CCDC15: variants seen among roughly 807,000 people sequenced by gnomAD.
CCDC15 encodes coiled-coil domain-containing protein 15.
In CCDC15, 105 loss-of-function variants were observed where a neutral mutation model predicts 114.5. The ratio of observed to expected loss-of-function variants is 0.92; its 90% CI spans 0.78 to 1.08. The LOEUF (loss-of-function observed/expected upper bound fraction) is 1.08. Among genes scored for constraint, CCDC15 ranks in the 50% least tolerant of loss-of-function variants. CCDC15 has a pLI of 0.00. For synonymous variants in CCDC15, 334 were observed against 377.8 expected (o/e 0.88, Z 1.34); for missense variants, 1,105 against 1,093.6 (o/e 1.01, Z -0.15).
intron 4 of CCDC15, among the ~76,000 whole-genome samples, chr11:124,964,652 C>G (rs1348118773): frequency 2.0e-5 from 3 of 152,094 alleles, no homozygotes; most frequent in African/African-American, 4.8e-5. Context: ...TGCCTGATTC[C>G]CCTGGTCAGA....
chr11:125,039,148 A>G, intron 15 of CCDC15, 79 bp downstream of exon 15: 1 of 1,336,592 alleles, frequency 7.5e-7, no homozygotes, highest in Non-Finnish European at 1.0e-6. Context: ...GTAATTTACC[A>G]TTTATTGAGT....
At position 124,996,269 on chromosome 11, in the gene CCDC15, T is replaced by A. The variant is rs112329023; in HGVS notation, c.2214+3026T>A. On this transcript the variant is annotated intron_variant, in intron 11 of 15. Transcript: ENST00000344762. ...ACCCTGACTATTCTAAATCTTAAAC[T>A]CTCCTTAAACTTCCTGCTGCACCCC... Among the ~76,000 whole-genome samples, 64 of 152,272 alleles carry A rather than the reference T, an allele frequency of 4.2e-4. 1 individual carries two copies. Among genetic ancestry groups the A allele is most frequent in the East Asian group, 3.9e-3 (20 of 5,188 alleles).
At chr11:124,981,792 G>A (rs1383880612) in intron 6 of CCDC15, among the ~76,000 whole-genome samples, 2 of 152,128 alleles carry the variant, frequency 1.3e-5, no homozygotes, top group Non-Finnish European at 2.9e-5. Context: ...GCTAATTTTT[G>A]TATTCTTTGG....
At chr11:125,001,870 G>A (rs1948486556) in intron 11 of CCDC15, among the ~76,000 whole-genome samples, 1 of 148,792 alleles carries the variant, frequency 6.7e-6, no homozygotes, top group Non-Finnish European at 1.5e-5. Context: ...TTGTGTACAA[G>A]TTTTTTTTTT....
chr11:124,970,307 A>T (rs1405425930), intron 4 of CCDC15, among the ~76,000 whole-genome samples: 1 of 152,204 alleles, frequency 6.6e-6, no homozygotes, highest in Non-Finnish European at 1.5e-5. Flanking sequence ...TTTTTGCATT[A>T]GGTCTACATT....
rs1947629668 is a variant in CCDC15 at position 124,959,960 on chromosome 11, A to T, written c.473A>T (p.Asp158Val). 6.3e-7 allele frequency: 1 copy of T among 1,581,060 alleles called. No homozygotes were observed. Among genetic ancestry groups the T allele is most frequent in the Non-Finnish European group, 8.6e-7 (1 of 1,161,684 alleles). The change falls in exon 4 of 16, where the codon GAT becomes GTT. Residue 158 changes from aspartate to valine, a missense_variant. Asp to Val is a radical substitution (Grantham distance 152). Transcript: ENST00000344762. ...PSLMPGDGIEDEENQNELFQQ... is the reference protein window; with the variant it reads ...PSLMPGDGIEVEENQNELFQQ... ...CTGATGCCTGGGGATGGAATAGAGG[A>T]TGAAGAGAATCAGAACGAATTATTC...
chr11:125,003,593 G>T (rs147680186), intron 11 of CCDC15, among the ~76,000 whole-genome samples: 43 of 152,092 alleles, frequency 2.8e-4, no homozygotes, highest in Middle Eastern at 6.8e-3. Flanking sequence ...CACTTTAAAA[G>T]AATTTTCATT....
chr11:125,003,556 G>A (rs899792974), intron 11 of CCDC15, among the ~76,000 whole-genome samples: 2 of 151,814 alleles, frequency 1.3e-5, no homozygotes, highest in South Asian at 2.1e-4. Context: ...TATTCCAAGC[G>A]CACTCATGAC....
chr11:125,005,517 G>C (rs997351528), intron 13 of CCDC15, among the ~76,000 whole-genome samples: 2 of 152,082 alleles, frequency 1.3e-5, no homozygotes, highest in Admixed American at 6.6e-5. Context: ...CTGCACCATA[G>C]TGGTACAATG....
chr11:125,033,694 T>C (rs1948756770), intron 13 of CCDC15, among the ~76,000 whole-genome samples: 1 of 144,226 alleles, frequency 6.9e-6, no homozygotes, highest in Non-Finnish European at 1.5e-5. Context: ...CATTTCCAGC[T>C]CGCTCACAGT....
At chr11:125,038,836 CA>C in intron 14 of CCDC15, 84 bp from the exon 15 acceptor site, 1 of 1,432,990 alleles carries the variant, frequency 7.0e-7, no homozygotes, top group Non-Finnish European at 9.6e-7. Context: ...ATAGATTTAA[CA>C]GTTAAATCTG....
chr11:124,954,852 A>G lies in CCDC15; in HGVS notation c.120A>G (p.Val40=), dbSNP rs1461091495. Residue 40 remains valine (V), a synonymous_variant, in exon 2 of 16, where the codon GTA becomes GTG. Transcript: ENST00000344762. ...AVLAERNEAI[V]PVGAWVEPAS... ...TGGCTGAGAGGAACGAGGCTATAGT[A>G]CCAGTTGGGGCATGGGTGGAACCTG... 1 of 1,613,996 alleles carries G rather than the reference A, an allele frequency of 6.2e-7. No homozygotes were observed. The highest frequency in any genetic ancestry group is 8.5e-7 in the Non-Finnish European group (1 of 1,179,878).
Position 124,987,987 on chromosome 11 carries a change from C to T in CCDC15, c.1761C>T (p.Pro587=), listed in dbSNP as rs1413468019. The change falls in exon 8 of 16, where the codon CCC becomes CCT. Residue 587 remains proline (P), a synonymous_variant. Transcript: ENST00000344762. ...TATGTCAGGACCAGGATTTTCTACC[C>T]AGAGACCAAGGTTATCTTCCTAAAG... The part of the protein sequence containing the change: ...LPICQDQDFL[P]RDQGYLPKDQ... The T allele has an allele frequency of 1.2e-6, 2 of 1,613,802 alleles. No individual in the cohort carries two copies. The highest frequency in any genetic ancestry group is 1.7e-6 in the Non-Finnish European group (2 of 1,179,788).
chr11:124,979,587 A>AT (rs1239279231), intron 6 of CCDC15, among the ~76,000 whole-genome samples: 1 of 151,840 alleles, frequency 6.6e-6, no homozygotes, highest in South Asian at 2.1e-4. Flanking sequence ...TAGCTTGGGT[A>AT]TTGTTGGTGT....
intron 11 of CCDC15, among the ~76,000 whole-genome samples, chr11:125,002,810 A>T (rs557361040): frequency 6.6e-6 from 1 of 152,174 alleles, no homozygotes; most frequent in East Asian, 1.9e-4. Flanking sequence ...TCTTTGTAGT[A>T]AGTTTTGATG....
intron 13 of CCDC15, among the ~76,000 whole-genome samples, chr11:125,025,144 A>T: frequency 6.9e-6 from 1 of 145,902 alleles, no homozygotes; most frequent in South Asian, 2.1e-4. Context: ...ATATGAATAT[A>T]TGTGAGTATA....
intron 3 of CCDC15, 82 bp from the exon 4 acceptor site, chr11:124,959,732 TC>T: frequency 3.3e-6 from 1 of 305,238 alleles, no homozygotes; most frequent in Non-Finnish European, 5.5e-6. Context: ...CAATTTAAAA[TC>T]TTCTGAACTG....
intron 4 of CCDC15, among the ~76,000 whole-genome samples, chr11:124,974,817 AT>A (rs1165143555): frequency 6.6e-6 from 1 of 152,220 alleles, no homozygotes; most frequent in Non-Finnish European, 1.5e-5. Flanking sequence ...AGGTTTTCAT[AT>A]TTTTGTGTAC....
At chr11:124,978,502 G>A (rs1239878801) in intron 6 of CCDC15, among the ~76,000 whole-genome samples, 1 of 152,020 alleles carries the variant, frequency 6.6e-6, no homozygotes, top group Non-Finnish European at 1.5e-5. Context: ...ATTCCTTTTT[G>A]TCCACAGCCG....
Sources: gnomAD v4.1 joint callset for allele counts (sites outside exome capture counted in the v4.1 genomes callset) on GRCh38, gnomAD v4.1.1 for gene constraint, MANE v1.5 for transcripts, NCBI Gene and HGNC (gene_info 2026-07-23, HGNC 2026-07-21) for gene names.